Variants in SGTA observed in about 807,000 individuals in gnomAD.
The protein encoded by SGTA is small glutamine rich tetratricopeptide repeat co-chaperone alpha.
Under a neutral mutation model 44.3 loss-of-function variants are expected in SGTA, and 22 were observed. That is an observed-to-expected ratio of 0.50 (90% confidence interval 0.36 to 0.71). The LOEUF (loss-of-function observed/expected upper bound fraction) is 0.71. Among genes scored for constraint, SGTA ranks in the 30% least tolerant of loss-of-function variants. The probability of loss-of-function intolerance (pLI) is 0.00; values close to 1 mark genes in which losing one functional copy is unlikely to be tolerated. For missense variants in SGTA, 341 were observed against 435.9 expected, an observed-to-expected ratio of 0.78 and a Z score of 1.94; for synonymous variants, 174 against 177.6, an observed-to-expected ratio of 0.98 and a Z score of 0.16.
chr19:2,755,780 G>A lies in SGTA; in HGVS notation c.*160C>T, dbSNP rs953557739. On this transcript the variant is annotated 3_prime_UTR_variant, in exon 12 of 12. Transcript: ENST00000221566. This position sits in a 1 kb window ranked among gnomAD's most constrained non-coding sequence, Gnocchi z 5.2. ...AGGGAGTTACAAAAAGGGAGTGGAG[G>A]AGGGCAGAGATAAAAGGGGAAAATC... The A allele has an allele frequency of 1.3e-5, 13 of 985,582 alleles. No homozygotes were observed. Among genetic ancestry groups the A allele is most frequent in the Non-Finnish European group, 1.3e-5 (11 of 830,020 alleles). 61.1% of individuals were successfully genotyped at this position (985,582 alleles called of 1,614,324 possible).
intron 11 of SGTA, among the ~76,000 whole-genome samples, 152 bp from the exon 12 acceptor site, chr19:2,756,085 G>A (rs1046551345): frequency 4.6e-5 from 7 of 152,112 alleles, no homozygotes; most frequent in East Asian, 1.9e-4. Context: ...CACCAGAAGC[G>A]TTCCACACAC....
rs1202905354 is a variant in SGTA at position 2,765,140 on chromosome 19, C to T, written c.392+46G>A. The T allele has an allele frequency of 1.4e-6, 2 of 1,410,988 alleles. No homozygotes were observed. The highest frequency in any genetic ancestry group is 1.7e-5 in the Admixed American group (1 of 59,662). 87.4% of individuals were successfully genotyped at this position (1,410,988 alleles called of 1,614,324 possible). A position where few individuals can be genotyped will look rare whatever the true frequency, so the allele number is the denominator to read the frequency against. On this transcript the variant is annotated intron_variant, in intron 5 of 11. Transcript: ENST00000221566. The surrounding 1 kb of genome is among the most constrained non-coding windows in gnomAD (Gnocchi z 5.5). ...CCCTGCTAAGCATCCCGGAGGACGC[C>T]CCCGCACCCGGCCGCCCCTGCCCTG...
rs1374948243 is a variant in SGTA, at chr19:2,763,066, G to C, written c.498-422C>G. On this transcript the variant is annotated intron_variant, in intron 6 of 11. Transcript: ENST00000221566. The surrounding 1 kb of genome is among the most constrained non-coding windows in gnomAD (Gnocchi z 5.8). ...AGCAGCCCCTGACCCCCACCTGAGTGAGTCTTCACTCGTGAGGTGACTCAG... is the reference window on the plus strand; with the variant it reads ...AGCAGCCCCTGACCCCCACCTGAGTCAGTCTTCACTCGTGAGGTGACTCAG... Among the ~76,000 whole-genome samples, 10 of 143,590 alleles carry C rather than the reference G, an allele frequency of 7.0e-5. No homozygotes were observed. The East Asian group carries it at 2.2e-3, about 32-fold the overall frequency. 94.2% of individuals were successfully genotyped at this position (143,590 alleles called of 152,430 possible).
At position 2,767,162 on chromosome 19, in the gene SGTA, G is replaced by A. The variant is rs1317127111; in HGVS notation, c.266C>T (p.Ala89Val). The A allele has an allele frequency of 1.2e-6, 2 of 1,612,484 alleles. No homozygotes were observed. The highest frequency in any genetic ancestry group is 1.7e-6 in the Non-Finnish European group (2 of 1,179,422). Residue 89 changes from alanine (A) to valine (V), a missense_variant, in exon 4 of 12, where the codon GCA (alanine) becomes GTA (valine). Coordinates refer to ENST00000221566, the MANE Select transcript of SGTA (RefSeq NM_003021.4). This position sits in a 1 kb window ranked among gnomAD's most constrained non-coding sequence, Gnocchi z 7.3. ...ARTPPSEEDS[A>V]EAERLKTEGN... ...TTCGGTTTTGAGGCGCTCTGCCTCT[G>A]CTGAGTCCTCCTCGGAAGGCGGGGT...
intron 1 of SGTA, chr19:2,777,655 A>G (rs1358217448): frequency 2.6e-5 from 4 of 152,174 alleles, no homozygotes; most frequent in African/African-American, 9.7e-5. Flanking sequence ...CAGAGGTTTC[A>G]TTGGAAATGA....
At position 2,757,209 on chromosome 19, in the gene SGTA, C is replaced by T. The variant is rs1599495077; in HGVS notation, c.*6+128G>A. 108 of 1,191,684 alleles carry T rather than the reference C, an allele frequency of 9.1e-5. 3 individuals carry two copies. In the East Asian group the frequency reaches 2.6e-3, roughly 29 times the overall value. The allele number at this position is 1,191,684 out of a possible 1,614,324, so 73.8% of individuals were successfully genotyped here. ...TTCTGAGCTGGATGCACCCAGGACTCGCTGTCCAGTGTCCAGACAGGCTCC... is the reference window on the plus strand; with the variant it reads ...TTCTGAGCTGGATGCACCCAGGACTTGCTGTCCAGTGTCCAGACAGGCTCC... On this transcript the variant is annotated intron_variant, in intron 11 of 11. Coordinates refer to ENST00000221566, the MANE Select transcript of SGTA (RefSeq NM_003021.4).
intron 8 of SGTA, among the ~76,000 whole-genome samples, chr19:2,760,784 C>A (rs149052311): frequency 6.6e-6 from 1 of 152,244 alleles, no homozygotes; most frequent in East Asian, 1.9e-4. Context: ...GGCTCCTGGC[C>A]CAGCTGGCTC....
Position 2,761,401 on chromosome 19 carries a change from G to A in SGTA, c.699+59C>T. 7.0e-7 allele frequency: 1 copy of A among 1,423,072 alleles called. No homozygotes were observed. Among genetic ancestry groups the A allele is most frequent in the East Asian group, 2.5e-5 (1 of 40,258 alleles). 88.2% of individuals were successfully genotyped at this position (1,423,072 alleles called of 1,614,324 possible). On this transcript the variant is annotated intron_variant, in intron 8 of 11. Transcript: ENST00000221566. This position sits in a 1 kb window ranked among gnomAD's most constrained non-coding sequence, Gnocchi z 5.7. Reference sequence around the variant, plus strand: ...GCCCTGGCCAGTAGCGGACACAGCAGATGCGGGCCTGGGGGGTGGCGCAGA... The same window carrying A: ...GCCCTGGCCAGTAGCGGACACAGCAAATGCGGGCCTGGGGGGTGGCGCAGA...
At position 2,774,364 on chromosome 19, in the gene SGTA, G is replaced by A. The variant is rs866424506; in HGVS notation, c.-23-5273C>T. 5.9e-5 allele frequency among the ~76,000 whole-genome samples: 9 copies of A among 152,336 alleles called. No individual in the cohort carries two copies. The South Asian group carries it at 6.2e-4, about 11-fold the overall frequency. On this transcript the variant is annotated intron_variant, in intron 1 of 11. Transcript: ENST00000221566. ...GGGAGCAGTGAAGGGCGGTGGCCGA[G>A]GGACACGGAGGGAGGGAGCAGCTGC...
chr19:2,762,697 C>T lies in SGTA; in HGVS notation c.498-53G>A, dbSNP rs541445098. On this transcript the variant is annotated intron_variant, in intron 6 of 11. Transcript: ENST00000221566. ...TTCCCATCTGCCCAGCTCCAGGAGG[C>T]CCCGCCAAAGCCCTCGTCCCCGGCG... 3.1e-6 allele frequency: 5 copies of T among 1,600,840 alleles called. No homozygotes were observed. In the Admixed American group the frequency reaches 6.7e-5, roughly 22 times the overall value.
At chr19:2,768,067 C>A (rs1915200199) in intron 2 of SGTA, among the ~76,000 whole-genome samples, 1 of 152,140 alleles carries the variant, frequency 6.6e-6, no homozygotes, top group Non-Finnish European at 1.5e-5. Flanking sequence ...TCCAAGGGCG[C>A]CTGGCCTGAG....
chr19:2,761,376 G>A lies in SGTA; in HGVS notation c.699+84C>T. On this transcript the variant is annotated intron_variant, in intron 8 of 11. Transcript: ENST00000221566. This position sits in a 1 kb window ranked among gnomAD's most constrained non-coding sequence, Gnocchi z 5.7. The stretch of plus-strand genomic sequence containing the variant: ...AAGCCAGCAGTGCCAAGGCAAGGAA[G>A]CCCTGGCCAGTAGCGGACACAGCAG... The A allele has an allele frequency of 8.0e-7, 1 of 1,255,338 alleles. No individual in the cohort carries two copies. The highest frequency in any genetic ancestry group is 1.1e-6 in the Non-Finnish European group (1 of 882,410). 77.8% of individuals were successfully genotyped at this position (1,255,338 alleles called of 1,614,324 possible).
intron 1 of SGTA, among the ~76,000 whole-genome samples, chr19:2,772,363 AG>A (rs1327518285): frequency 1.3e-5 from 2 of 152,236 alleles, no homozygotes; most frequent in East Asian, 3.8e-4. Flanking sequence ...AAGTGACTAA[AG>A]CCACAAACAC....
At chr19:2,781,645 A>C (rs555993257) in intron 1 of SGTA, among the ~76,000 whole-genome samples, 12 of 151,804 alleles carry the variant, frequency 7.9e-5, no homozygotes, top group Non-Finnish European at 1.6e-4. Context: ...AAAGATGGGG[A>C]CCACCCGAGA....
At chr19:2,757,615 G>T in intron 10 of SGTA, 78 bp downstream of exon 10, 2 of 1,444,454 alleles carry the variant, frequency 1.4e-6, no homozygotes, top group Non-Finnish European at 1.9e-6. Flanking sequence ...CAGCACTTTC[G>T]CTCTCCTCCT....
At position 2,765,895 on chromosome 19, in the gene SGTA, A is replaced by T. The variant is rs1915126676; in HGVS notation, c.293-610T>A. 6.6e-6 allele frequency among the ~76,000 whole-genome samples: 1 copy of T among 152,148 alleles called. No homozygotes were observed. The highest frequency in any genetic ancestry group is 1.5e-5 in the Non-Finnish European group (1 of 68,030). The stretch of plus-strand genomic sequence containing the variant: ...TGTTTCCCTAAACAGTTTTATTGAG[A>T]TATAATTTACATGCCACAAAGCTTA... On this transcript the variant is annotated intron_variant, in intron 4 of 11. Coordinates refer to ENST00000221566, the MANE Select transcript of SGTA (RefSeq NM_003021.4). The surrounding 1 kb of genome is among the most constrained non-coding windows in gnomAD (Gnocchi z 5.5).
Position 2,765,285 on chromosome 19 carries a change from C to G in SGTA, c.293G>C (p.Gly98Ala). ...SAEAERLKTE[G>A]NEQMKVENFE... is the part of the protein sequence containing the mutation. ...GTTTTCCACTTTCATCTGCTCGTTTCCTACAGGGAGAGAGGAAAACACCGG... is the reference window on the plus strand; with the variant it reads ...GTTTTCCACTTTCATCTGCTCGTTTGCTACAGGGAGAGAGGAAAACACCGG... The change falls in exon 5 of 12, where the codon GGA becomes GCA. Residue 98 changes from glycine (G) to alanine (A), a missense_variant and splice_region_variant. Physicochemically the swap from Gly to Ala is moderately conservative, Grantham distance 60. Coordinates refer to ENST00000221566, the MANE Select transcript of SGTA (RefSeq NM_003021.4). The surrounding 1 kb of genome is among the most constrained non-coding windows in gnomAD (Gnocchi z 5.5). 6.2e-7 allele frequency: 1 copy of G among 1,607,440 alleles called. No individual in the cohort carries two copies. Among genetic ancestry groups the G allele is most frequent in the South Asian group, 1.1e-5 (1 of 90,944 alleles).
chr19:2,772,919 G>A (rs1473558909), intron 1 of SGTA, among the ~76,000 whole-genome samples: 1 of 84,108 alleles, frequency 1.2e-5, no homozygotes, highest in African/African-American at 9.6e-5. Context: ...CAGGGACACC[G>A]AGGGCAGAGG....
chr19:2,767,196 G>A lies in SGTA; in HGVS notation c.232C>T (p.Pro78Ser). The change falls in exon 4 of 12, where the codon CCC (proline) becomes TCC (serine). Residue 78 changes from proline to serine, a missense_variant. Transcript: ENST00000221566. The surrounding 1 kb of genome is among the most constrained non-coding windows in gnomAD (Gnocchi z 7.3). ...TCCTCGGAAGGCGGGGTTCGCGCGG[G>A]GCTCCTCAGGTCCTGCGGCATCTCC... ...GKEMPQDLRS[P>S]ARTPPSEEDS... The A allele has an allele frequency of 1.2e-6, 2 of 1,611,742 alleles. No homozygotes were observed. Among genetic ancestry groups the A allele is most frequent in the South Asian group, 1.1e-5 (1 of 90,536 alleles).
Sources: allele counts gnomAD v4.1 joint callset (sites outside exome capture counted in the v4.1 genomes callset), GRCh38; gene constraint gnomAD v4.1.1; non-coding constraint Gnocchi (gnomAD v3.1); transcripts MANE v1.5; gene names NCBI Gene and HGNC (gene_info 2026-07-23, HGNC 2026-07-21).